The following DEPDC4 variants were observed in gnomAD, a reference collection of about 807,000 sequenced individuals.
The protein encoded by DEPDC4 is DEP domain-containing protein 4.
Under a neutral mutation model 52.0 loss-of-function variants are expected in DEPDC4, and 52 were observed. The observed-to-expected ratio is 1.00, with a 90% CI of 0.80 to 1.26. The LOEUF is 1.26. Ranked by LOEUF, DEPDC4 falls within the 50% of genes most tolerant of loss-of-function variation. DEPDC4 has a pLI of 0.00. For missense variants in DEPDC4, 530 were observed against 546.9 expected (o/e 0.97, Z 0.31); for synonymous variants, 201 against 196.8 (o/e 1.02, Z -0.18).
chr12:100,266,369 G>A (rs1054277607), intron 1 of DEPDC4, among the ~76,000 whole-genome samples: 2 of 152,160 alleles, frequency 1.3e-5, no homozygotes, highest in Admixed American at 1.3e-4. Flanking sequence ...ACTGAGGAGG[G>A]GAGGCCAGAA....
In DEPDC4 at chr12:100,241,745, G is replaced by T. The variant is rs1207599594; in HGVS notation, c.*147C>A. The T allele has an allele frequency of 7.8e-7, 1 of 1,274,724 alleles. No homozygotes were observed. Among genetic ancestry groups the T allele is most frequent in the Admixed American group, 2.4e-5 (1 of 41,920 alleles). The allele number at this position is 1,274,724 out of a possible 1,614,324, so 79.0% of individuals were successfully genotyped here. On this transcript the variant is annotated 3_prime_UTR_variant, in exon 10 of 10. Transcript: ENST00000550587. Reference sequence around the variant, plus strand: ...TTTTTCGTTTCAGAGAGATGCTGGGGTTACTATTAATCTCAAGAGCCAACT... The same window carrying T: ...TTTTTCGTTTCAGAGAGATGCTGGGTTTACTATTAATCTCAAGAGCCAACT...
the DEPDC4 span, among the ~76,000 whole-genome samples, chr12:100,276,035 G>T: frequency 6.6e-6 from 1 of 152,144 alleles, no homozygotes; most frequent in East Asian, 1.9e-4. Context: ...TGGTCGTGGG[G>T]TTGGATGTGA....
the DEPDC4 span, among the ~76,000 whole-genome samples, chr12:100,276,183 A>G: frequency 2.3e-4 from 35 of 151,790 alleles, no homozygotes; most frequent in Non-Finnish European, 3.2e-4. Context: ...CCCCTCTTCT[A>G]TTTTCTGGGA....
At chr12:100,280,370 C>A in the DEPDC4 span, among the ~76,000 whole-genome samples, 1 of 151,990 alleles carries the variant, frequency 6.6e-6, no homozygotes, top group African/African-American at 2.4e-5. Context: ...AATAATAAAA[C>A]CTAGTATGGG....
downstream of DEPDC4, among the ~76,000 whole-genome samples, chr12:100,236,732 G>C (rs2096141896): frequency 6.6e-6 from 1 of 152,036 alleles, no homozygotes; most frequent in Non-Finnish European, 1.5e-5. Context: ...TTGCTTTTGG[G>C]TTCTTGGTCA....
intron 3 of DEPDC4, among the ~76,000 whole-genome samples, chr12:100,257,262 G>C (rs529104187): frequency 1.3e-4 from 20 of 152,058 alleles, no homozygotes; most frequent in Admixed American, 1.3e-3. Context: ...ATTTTTAGTA[G>C]AGACAGGGTT....
At chr12:100,278,070 C>T in the DEPDC4 span, among the ~76,000 whole-genome samples, 2 of 152,068 alleles carry the variant, frequency 1.3e-5, no homozygotes, top group Non-Finnish European at 2.9e-5. Context: ...AAACACAATA[C>T]ATTTTTATTA....
intron 3 of DEPDC4, among the ~76,000 whole-genome samples, 182 bp downstream of exon 3, chr12:100,262,082 G>A (rs1359047296): frequency 6.6e-6 from 1 of 152,184 alleles, no homozygotes; most frequent in Non-Finnish European, 1.5e-5. Flanking sequence ...TATCACAAAT[G>A]CACCACTTGG....
chr12:100,276,983 A>G, the DEPDC4 span, among the ~76,000 whole-genome samples: 1 of 151,928 alleles, frequency 6.6e-6, no homozygotes, highest in East Asian at 1.9e-4. Flanking sequence ...TTTCTTTGTG[A>G]TTTCTTTTTT....
In DEPDC4 at chr12:100,248,940, A is replaced by C. The variant is rs2096196804; in HGVS notation, c.1413T>G (p.Leu471=). ...VTLLDLVSKK[L]KKLLHGEDAD... Reference sequence around the variant, plus strand: ...CATCTTCTCCATGTAGAAGCTTCTTAAGTTTCTTACTAACCAGATCCAATA... The same window carrying C: ...CATCTTCTCCATGTAGAAGCTTCTTCAGTTTCTTACTAACCAGATCCAATA... The change falls in exon 8 of 10, where the codon CTT becomes CTG. Residue 471 remains leucine (L), a synonymous_variant. Coordinates refer to ENST00000550587, the MANE Select transcript of DEPDC4 (RefSeq NM_001364818.2). 4 of 985,686 alleles carry C rather than the reference A, an allele frequency of 4.1e-6. No individual in the cohort carries two copies. In the South Asian group the frequency reaches 1.9e-4, roughly 46 times the overall value. The allele number at this position is 985,686 out of a possible 1,614,324, so 61.1% of individuals were successfully genotyped here. A position where few individuals can be genotyped will look rare whatever the true frequency, so the allele number is the denominator to read the frequency against.
At chr12:100,234,356 G>C (rs1014402816) in intron 9 of DEPDC4, among the ~76,000 whole-genome samples, 1 of 152,174 alleles carries the variant, frequency 6.6e-6, no homozygotes, top group African/African-American at 2.4e-5. Flanking sequence ...AAATTACTCA[G>C]AGAAAAACCT....
chr12:100,268,333 C>T (rs2096282236), upstream of DEPDC4, among the ~76,000 whole-genome samples: 1 of 152,120 alleles, frequency 6.6e-6, no homozygotes, highest in Non-Finnish European at 1.5e-5. Flanking sequence ...CACTGTAAAA[C>T]CCCATTATGT....
the DEPDC4 span, among the ~76,000 whole-genome samples, chr12:100,272,557 T>C: frequency 1.3e-5 from 2 of 152,196 alleles, no homozygotes; most frequent in South Asian, 4.1e-4. Flanking sequence ...TTGGCCTGCA[T>C]GTCTAAAAAC....
At chr12:100,269,057 A>G (rs2096284177), upstream of DEPDC4, among the ~76,000 whole-genome samples, 1 of 152,152 alleles carries the variant, frequency 6.6e-6, no homozygotes, top group South Asian at 2.1e-4. Flanking sequence ...TAGTTTTCCA[A>G]ACAAGACTTA....
At chr12:100,269,833 C>A (rs987823879), upstream of DEPDC4, among the ~76,000 whole-genome samples, 2 of 152,028 alleles carry the variant, frequency 1.3e-5, no homozygotes, top group Non-Finnish European at 2.9e-5. Context: ...TTATAGGTTC[C>A]GATTCCAAAG....
the DEPDC4 span, among the ~76,000 whole-genome samples, chr12:100,273,209 TTTC>T: frequency 6.6e-6 from 1 of 152,140 alleles, no homozygotes; most frequent in Admixed American, 6.6e-5. Flanking sequence ...TTTGCCATAC[TTTC>T]TTCTTTTTCT....
Position 100,266,923 on chromosome 12 carries a change from T to C in DEPDC4, c.154A>G (p.Thr52Ala), listed in dbSNP as rs1300976894. 9.9e-6 allele frequency: 16 copies of C among 1,612,908 alleles called. No homozygotes were observed. Among genetic ancestry groups the C allele is most frequent in the Non-Finnish European group, 1.4e-5 (16 of 1,179,486 alleles). The change falls in exon 1 of 10, where the codon ACA becomes GCA. Residue 52 changes from threonine (T) to alanine (A), a missense_variant. Transcript: ENST00000550587. ...TGGCTAGGATATACAGGGCTACCTG[T>C]CCTCCTTTTCCGGCAGAAGCCATCT... is the stretch of plus-strand genomic sequence containing the variant. ...RRDGFCRKRR[T>A]GCSGPFQATQ...
rs1251043718 is a variant in DEPDC4, at chr12:100,252,472, G to A, written c.1170C>T (p.Asn390=). 2 of 1,608,160 alleles carry A rather than the reference G, an allele frequency of 1.2e-6. No individual in the cohort carries two copies. Among genetic ancestry groups the A allele is most frequent in the South Asian group, 2.2e-5 (2 of 91,010 alleles). The part of the protein sequence containing the change: ...TQLYLRLLLL[N]IREELRRLLT... ...GTAGCCGTCGTAATTCTTCTCTAAT[G>A]TTCAGCAACAGCAATCTTAGATATA... Residue 390 remains asparagine, a synonymous_variant, in exon 6 of 10, where the codon AAC becomes AAT. Coordinates refer to ENST00000550587, the MANE Select transcript of DEPDC4 (RefSeq NM_001364818.2).
At chr12:100,241,964 C>T in intron 9 of DEPDC4, 119 bp from the exon 10 acceptor site, 1 of 505,986 alleles carries the variant, frequency 2.0e-6, no homozygotes, top group Non-Finnish European at 2.6e-6. Context: ...TATGCCTAGG[C>T]TTTCTTTGTT....
Sources: gnomAD v4.1 joint callset for allele counts (sites outside exome capture counted in the v4.1 genomes callset) on GRCh38, gnomAD v4.1.1 for gene constraint, MANE v1.5 for transcripts, NCBI Gene and HGNC (gene_info 2026-07-23, HGNC 2026-07-21) for gene names.